Variants in SDK1 observed in about 807,000 individuals in gnomAD.
SDK1 encodes the protein protein sidekick-1.
A neutral mutation model predicts 245.5 loss-of-function variants in SDK1; 157 were observed. The ratio of observed to expected loss-of-function variants is 0.64; its 90% confidence interval spans 0.56 to 0.73. The LOEUF (loss-of-function observed/expected upper bound fraction) is 0.73. SDK1 is among the 30% of genes least tolerant of loss of function. SDK1 has a pLI of 0.00. For missense variants in SDK1, 3,583 were observed against 3,002.3 expected, an observed-to-expected ratio of 1.19 and a Z score of -4.52; for synonymous variants, 1,647 against 1,278.5, an observed-to-expected ratio of 1.29 and a Z score of -6.15.
intron 17 of SDK1, among the ~76,000 whole-genome samples, chr7:4,032,976 C>A (rs1787940787): frequency 6.6e-6 from 1 of 151,550 alleles, no homozygotes; most frequent in Non-Finnish European, 1.5e-5. Context: ...ATTTAAAATT[C>A]ATTCATAAAA....
chr7:3,662,839 AT>A (rs1300197376), intron 4 of SDK1, among the ~76,000 whole-genome samples: 2 of 152,220 alleles, frequency 1.3e-5, no homozygotes, highest in African/African-American at 4.8e-5. Context: ...AGCATTTTGG[AT>A]TCGGATTTCA....
Position 4,217,658 on chromosome 7 carries a change from A to G in SDK1, c.5540-2451A>G, listed in dbSNP as rs149478244. ...GCCACCTGGAGCACCAGGCCACTTG[A>G]GCACTCAGCCATGTGCTTGGGAATC... On this transcript the variant is annotated intron_variant, in intron 38 of 44. Coordinates refer to ENST00000404826, the MANE Select transcript of SDK1 (RefSeq NM_152744.4). Among the ~76,000 whole-genome samples the G allele has an allele frequency of 3.8e-3, 572 of 151,372 alleles. 6 individuals are homozygous for G. The highest frequency in any genetic ancestry group is 0.013 in the African/African-American group (526 of 41,140).
chr7:3,968,419 T>C (rs1235358288), intron 10 of SDK1, among the ~76,000 whole-genome samples: 1 of 152,198 alleles, frequency 6.6e-6, no homozygotes, highest in East Asian at 1.9e-4. Context: ...AAAAGCCTTA[T>C]CTTTCTCTTC....
Position 3,584,590 on chromosome 7 carries a change from C to T in SDK1, c.299-34490C>T, listed in dbSNP as rs537404198. Among the ~76,000 whole-genome samples, 15 of 152,276 alleles carry T rather than the reference C, an allele frequency of 9.9e-5. No individual in the cohort carries two copies. The East Asian group carries it at 2.3e-3, about 24-fold the overall frequency. ...GGTGCTTTCCCATTCTTTGTTGTTC[C>T]ACGGACTGCTCCAAGGTATGCTGGC... On this transcript the variant is annotated intron_variant, in intron 1 of 44. Transcript: ENST00000404826.
At chr7:3,505,118 A>ATTCT (rs1461333986) in intron 1 of SDK1, among the ~76,000 whole-genome samples, 1 of 152,242 alleles carries the variant, frequency 6.6e-6, no homozygotes, top group East Asian at 1.9e-4. Flanking sequence ...CTTCGTCAGA[A>ATTCT]TAAAGTAGGA....
intron 1 of SDK1, among the ~76,000 whole-genome samples, chr7:3,370,891 C>T (rs1419029744): frequency 2.6e-5 from 4 of 152,160 alleles, no homozygotes; most frequent in African/African-American, 9.7e-5. Flanking sequence ...CCTGCTCCTC[C>T]TCTGTCTCCA....
intron 14 of SDK1, among the ~76,000 whole-genome samples, chr7:3,992,039 G>A (rs1308897369): frequency 6.6e-6 from 1 of 152,194 alleles, no homozygotes; most frequent in Non-Finnish European, 1.5e-5. Context: ...CCATCTACTA[G>A]GTCTGTCCCT....
intron 1 of SDK1, among the ~76,000 whole-genome samples, chr7:3,479,861 CAAA>C (rs200021941): frequency 1.5e-5 from 2 of 132,244 alleles, no homozygotes; most frequent in African/African-American, 2.8e-5. Flanking sequence ...GAGTCCATCT[CAAA>C]AAAAAAAAAA....
chr7:3,551,925 G>C (rs1179927480), intron 1 of SDK1, among the ~76,000 whole-genome samples: 2 of 152,058 alleles, frequency 1.3e-5, no homozygotes, highest in African/African-American at 2.4e-5. Flanking sequence ...ACATTATCAA[G>C]CTTTTAAAAA....
intron 4 of SDK1, among the ~76,000 whole-genome samples, chr7:3,648,913 A>C (rs145874953): frequency 3.9e-4 from 60 of 152,258 alleles, no homozygotes; most frequent in Middle Eastern, 6.8e-3. Flanking sequence ...AGGGTTTTCT[A>C]ATCACTTCTG....
rs1381930458 is a variant in SDK1, at chr7:4,184,679, G to A, written c.5098+6093G>A. Reference sequence around the variant, plus strand: ...AATTTTTAGATTTTTAGCTGAGATTGATGCACAAGCCCAGGCACTACAAAT... The same window carrying A: ...AATTTTTAGATTTTTAGCTGAGATTAATGCACAAGCCCAGGCACTACAAAT... On this transcript the variant is annotated intron_variant, in intron 35 of 44. Coordinates refer to ENST00000404826, the MANE Select transcript of SDK1 (RefSeq NM_152744.4). Among the ~76,000 whole-genome samples, 3 of 152,370 alleles carry A rather than the reference G, an allele frequency of 2.0e-5. No homozygotes were observed. In the East Asian group the frequency reaches 5.8e-4, roughly 29 times the overall value.
intron 38 of SDK1, among the ~76,000 whole-genome samples, chr7:4,216,562 G>T (rs1013837236): frequency 6.6e-6 from 1 of 152,230 alleles, no homozygotes; most frequent in Non-Finnish European, 1.5e-5. Flanking sequence ...GAGTCTGTGC[G>T]TGTCCCAGGG....
intron 20 of SDK1, among the ~76,000 whole-genome samples, chr7:4,068,653 C>T (rs192928415): frequency 7.2e-5 from 11 of 152,074 alleles, no homozygotes; most frequent in Non-Finnish European, 2.9e-5. Flanking sequence ...GTGAGATCTC[C>T]TCTCCTGGTT....
At chr7:3,898,360 C>T (rs953441580) in intron 5 of SDK1, among the ~76,000 whole-genome samples, 1 of 152,180 alleles carries the variant, frequency 6.6e-6, no homozygotes, top group Admixed American at 6.5e-5. Context: ...AGCCTGCTGT[C>T]CGGTACAATG....
chr7:3,335,699 C>A (rs12537420), intron 1 of SDK1, among the ~76,000 whole-genome samples: 36,288 of 151,932 alleles, frequency 0.24, 4,736 homozygotes, highest in East Asian at 0.42. Context: ...CTAGAACTTT[C>A]AAATTCACAG....
At chr7:4,114,556 A>C (rs543821334) in intron 25 of SDK1, among the ~76,000 whole-genome samples, 115 of 152,356 alleles carry the variant, frequency 7.5e-4, no homozygotes, top group Admixed American at 1.2e-3. Flanking sequence ...AACGATGAAA[A>C]GCAAGAATGT....
intron 1 of SDK1, among the ~76,000 whole-genome samples, chr7:3,478,321 G>C (rs973586475): frequency 6.6e-6 from 1 of 151,894 alleles, no homozygotes; most frequent in African/African-American, 2.4e-5. Context: ...TATTTTTTGA[G>C]ATAGATTCAC....
At chr7:3,628,899 G>C (rs548558194) in intron 2 of SDK1, among the ~76,000 whole-genome samples, 2 of 152,134 alleles carry the variant, frequency 1.3e-5, no homozygotes, top group African/African-American at 4.8e-5. Flanking sequence ...CACAGAGAAG[G>C]AAAACCCAGG....
At chr7:3,386,764 G>T (rs898783016) in intron 1 of SDK1, among the ~76,000 whole-genome samples, 1 of 152,134 alleles carries the variant, frequency 6.6e-6, no homozygotes, top group African/African-American at 2.4e-5. Context: ...CTTCTTGCAG[G>T]TTTTCTGCTG....
Sources: gnomAD v4.1 joint callset for allele counts (sites outside exome capture counted in the v4.1 genomes callset) on GRCh38, gnomAD v4.1.1 for gene constraint, MANE v1.5 for transcripts, NCBI Gene and HGNC (gene_info 2026-07-23, HGNC 2026-07-21) for gene names.